The following ABCA12 variants were observed in gnomAD, a reference collection of about 807,000 sequenced individuals.
ABCA12 encodes ATP binding cassette subfamily A member 12.
ABCA12 carries 156 observed loss-of-function variants against 293.5 expected under a neutral mutation model. The ratio of observed to expected loss-of-function variants is 0.53; its 90% confidence interval spans 0.47 to 0.61. The LOEUF is 0.61. ABCA12 is among the 20% of genes least tolerant of loss of function. The pLI is 0.00. For synonymous variants in ABCA12, 1,063 were observed against 1,108.0 expected, an observed-to-expected ratio of 0.96 and a Z score of 0.81; for missense variants, 2,797 against 3,090.2, an observed-to-expected ratio of 0.91 and a Z score of 2.25.
intron 28 of ABCA12, among the ~76,000 whole-genome samples, chr2:214,985,671 C>T (rs773251873): frequency 1.3e-5 from 2 of 152,130 alleles, no homozygotes; most frequent in East Asian, 1.9e-4. Flanking sequence ...TTCATGACCT[C>T]GTTTGTCCCC....
chr2:215,011,209 T>C (rs185357159), intron 17 of ABCA12, among the ~76,000 whole-genome samples: 19 of 152,312 alleles, frequency 1.2e-4, no homozygotes, highest in Admixed American at 1.0e-3. Flanking sequence ...CACTTCCAAG[T>C]TGAGCGACAC....
intron 1 of ABCA12, among the ~76,000 whole-genome samples, chr2:215,129,964 C>A (rs745331913): frequency 2.0e-5 from 3 of 152,144 alleles, no homozygotes; most frequent in African/African-American, 7.2e-5. Context: ...AGTTACCCAG[C>A]ACCATTTATT....
intron 8 of ABCA12, among the ~76,000 whole-genome samples, chr2:215,035,368 G>A (rs1426315645): frequency 2.0e-5 from 3 of 152,052 alleles, no homozygotes; most frequent in South Asian, 2.1e-4. Flanking sequence ...ATCCAATGAC[G>A]TGTTTTAAGA....
At chr2:214,996,145 G>T (rs1299637759) in intron 23 of ABCA12, among the ~76,000 whole-genome samples, 1 of 152,136 alleles carries the variant, frequency 6.6e-6, no homozygotes, top group African/African-American at 2.4e-5. Flanking sequence ...ACAGAAACTG[G>T]TTCATAGCTA....
At chr2:215,007,995 T>C in intron 18 of ABCA12, 149 bp from the exon 19 acceptor site, 1 of 1,008,704 alleles carries the variant, frequency 9.9e-7, no homozygotes, top group Non-Finnish European at 1.4e-6. Context: ...ATTTCCCACA[T>C]GGTCAAAAGT....
chr2:214,948,792 G>T lies in ABCA12; in HGVS notation c.6963-55C>A, dbSNP rs554702915. The T allele has an allele frequency of 2.5e-6, 4 of 1,608,794 alleles. No individual in the cohort carries two copies. The East Asian group carries it at 8.9e-5, about 36-fold the overall frequency. ...AATTTCAAAAGATTTATCCCTCCTG[G>T]TTCCCAAATGCTGGGAAGGTAGCTC... is the stretch of plus-strand genomic sequence containing the variant. On this transcript the variant is annotated intron_variant, in intron 46 of 52. Coordinates refer to ENST00000272895, the MANE Select transcript of ABCA12 (RefSeq NM_173076.3).
At chr2:214,959,171 T>C in intron 39 of ABCA12, 93 bp from the exon 40 acceptor site, 5 of 1,095,258 alleles carry the variant, frequency 4.6e-6, no homozygotes, top group Non-Finnish European at 5.6e-6. Context: ...TTCCTCCTTA[T>C]ATTATTATCT....
intron 15 of ABCA12, among the ~76,000 whole-genome samples, chr2:215,013,886 C>T (rs1700430344): frequency 1.3e-5 from 2 of 152,140 alleles, no homozygotes; most frequent in African/African-American, 2.4e-5. Flanking sequence ...ACGGCAAATA[C>T]ATTTTAAAAA....
chr2:215,000,806 A>C lies in ABCA12; in HGVS notation c.3078T>G (p.Asp1026Glu), dbSNP rs752363360. The change falls in exon 22 of 53, where the codon GAT (aspartate) becomes GAG (glutamate). Residue 1026 changes from aspartate to glutamate, a missense_variant. Coordinates refer to ENST00000272895, the MANE Select transcript of ABCA12 (RefSeq NM_173076.3). Reference protein sequence around the residue: ...IYGRAFIYLQDSIERAIIELQ... With the variant: ...IYGRAFIYLQESIERAIIELQ... ...ATTCAATGATTGCTCTTTCAATACTATCCTGTAAATAAATAAAAGCCCTGC... is the reference window on the plus strand; with the variant it reads ...ATTCAATGATTGCTCTTTCAATACTCTCCTGTAAATAAATAAAAGCCCTGC... 4 of 1,614,000 alleles carry C rather than the reference A, an allele frequency of 2.5e-6. No individual in the cohort carries two copies. Among genetic ancestry groups the C allele is most frequent in the Non-Finnish European group, 3.4e-6 (4 of 1,180,006 alleles).
At chr2:214,936,746 T>C (rs1182378159) in intron 51 of ABCA12, among the ~76,000 whole-genome samples, 1 of 152,168 alleles carries the variant, frequency 6.6e-6, no homozygotes, top group Non-Finnish European at 1.5e-5. Flanking sequence ...TTTTGTGGGC[T>C]TCTCTTTCAA....
intron 22 of ABCA12, among the ~76,000 whole-genome samples, chr2:214,999,482 A>C (rs774398566): frequency 1.3e-5 from 2 of 152,224 alleles, no homozygotes; most frequent in Non-Finnish European, 2.9e-5. Context: ...GGGTGAAACA[A>C]ATGAAATAAT....
chr2:215,049,539 C>T (rs1305567409), intron 6 of ABCA12, 87 bp downstream of exon 6: 1 of 1,316,508 alleles, frequency 7.6e-7, no homozygotes, highest in Non-Finnish European at 1.1e-6. Flanking sequence ...ACAAATATCC[C>T]AGTCAGCATT....
intron 2 of ABCA12, among the ~76,000 whole-genome samples, chr2:215,092,575 C>A (rs1272539764): frequency 6.6e-6 from 1 of 152,088 alleles, no homozygotes; most frequent in African/African-American, 2.4e-5. Context: ...AATGCTAATA[C>A]CCCATCCCAC....
chr2:214,951,733 G>A (rs1478915717), intron 44 of ABCA12, among the ~76,000 whole-genome samples: 3 of 152,090 alleles, frequency 2.0e-5, no homozygotes, highest in Admixed American at 2.0e-4. Context: ...CTCCAGCCTG[G>A]GCGACAGAGC....
rs147924741 is a variant in ABCA12 at position 215,067,108 on chromosome 2, T to C, written c.164-2889A>G. On this transcript the variant is annotated intron_variant, in intron 2 of 52. Transcript: ENST00000272895. ...TTCCATTCTTTTCCCATCTCAGTTA[T>C]GTATACAAATAAAAAGAGCAATGGT... is the stretch of plus-strand genomic sequence containing the variant. Among the ~76,000 whole-genome samples, 55 of 152,244 alleles carry C rather than the reference T, an allele frequency of 3.6e-4. 1 individual carries two copies. The highest frequency in any genetic ancestry group is 6.5e-4 in the Admixed American group (10 of 15,274).
At chr2:214,998,533 G>A (rs1421458410) in intron 22 of ABCA12, among the ~76,000 whole-genome samples, 4 of 152,114 alleles carry the variant, frequency 2.6e-5, no homozygotes, top group Non-Finnish European at 5.9e-5. Flanking sequence ...CTTTATACAT[G>A]GTATAGAAAT....
intron 28 of ABCA12, among the ~76,000 whole-genome samples, chr2:214,985,109 T>C (rs554358942): frequency 6.6e-6 from 1 of 152,318 alleles, no homozygotes; most frequent in East Asian, 1.9e-4. Context: ...AGTTTTCCCA[T>C]ATGAACACTG....
intron 9 of ABCA12, among the ~76,000 whole-genome samples, chr2:215,028,846 A>G (rs2049357): frequency 1 from 151,809 of 152,294 alleles, 75,666 homozygotes; most frequent in East Asian, 1. Flanking sequence ...AAGGTATAAT[A>G]ATAACCAATA....
intron 26 of ABCA12, 55 bp from the exon 27 acceptor site, chr2:214,987,848 C>T (rs1049481845): frequency 1.3e-6 from 2 of 1,586,872 alleles, no homozygotes; most frequent in African/African-American, 2.7e-5. Flanking sequence ...TAACATTTAT[C>T]ATCAGAAACA....
Sources: allele counts gnomAD v4.1 joint callset (sites outside exome capture counted in the v4.1 genomes callset), GRCh38; gene constraint gnomAD v4.1.1; transcripts MANE v1.5; gene names NCBI Gene and HGNC (gene_info 2026-07-23, HGNC 2026-07-21).